AKAP11: variants seen among roughly 807,000 people sequenced by gnomAD.
The protein encoded by AKAP11 is A-kinase anchoring protein 11.
Under a neutral mutation model 146.1 loss-of-function variants are expected in AKAP11, and 36 were observed. That is an observed-to-expected ratio of 0.25 (90% CI 0.19 to 0.33). AKAP11 has a LOEUF of 0.33. Among genes scored for constraint, AKAP11 ranks in the 10% least tolerant of loss-of-function variants. AKAP11 has a pLI of 1.00. For missense variants in AKAP11, 2,201 were observed against 2,197.0 expected, an observed-to-expected ratio of 1.00 and a Z score of -0.04; for synonymous variants, 780 against 786.5, an observed-to-expected ratio of 0.99 and a Z score of 0.14.
In AKAP11 at chr13:42,299,777, A is replaced by G. The variant is rs1959744072; in HGVS notation, c.1031A>G (p.Asp344Gly). The G allele has an allele frequency of 6.2e-7, 1 of 1,613,862 alleles. No homozygotes were observed. Among genetic ancestry groups the G allele is most frequent in the Non-Finnish European group, 8.5e-7 (1 of 1,179,916 alleles). Residue 344 changes from aspartate to glycine, a missense_variant, in exon 8 of 13, where the codon GAT becomes GGT. Transcript: ENST00000025301. ...ELPKIPVMKD[D>G]IEDSDSEVSE... ...CCTAAAATTCCTGTGATGAAAGATG[A>G]TATAGAGGATTCAGACTCAGAAGTA...
chr13:42,302,934 C>T lies in AKAP11; in HGVS notation c.4188C>T (p.Phe1396=), dbSNP rs768222002. 4 of 1,613,804 alleles carry T rather than the reference C, an allele frequency of 2.5e-6. No individual in the cohort carries two copies. The highest frequency in any genetic ancestry group is 2.2e-5 in the East Asian group (1 of 44,864). Residue 1396 remains phenylalanine (F), a synonymous_variant, in exon 8 of 13, where the codon TTC becomes TTT. Transcript: ENST00000025301. ...AAGTGCAGTGCAACTCAAGAATGTT[C>T]CCTGTGCCAAGTTCACAAGTGAAAA... ...TTKVQCNSRM[F]PVPSSQVKTN... is the part of the protein sequence containing the mutation.
chr13:42,296,713 AAAGTT>A (rs67350560), intron 5 of AKAP11, among the ~76,000 whole-genome samples: 19,447 of 151,958 alleles, frequency 0.13, 1,333 homozygotes, highest in East Asian at 0.22. Context: ...AAAATTTCAT[AAAGTT>A]AAGTTAAGAC....
chr13:42,318,613 C>T (rs1229306013), intron 12 of AKAP11, among the ~76,000 whole-genome samples: 11 of 152,134 alleles, frequency 7.2e-5, no homozygotes, highest in African/African-American at 2.4e-4. Context: ...CATTCTTTAA[C>T]TTAGAAAGCC....
intron 3 of AKAP11, 68 bp downstream of exon 3, chr13:42,286,467 C>G (rs777511641): frequency 4.2e-5 from 49 of 1,177,612 alleles, no homozygotes; most frequent in Non-Finnish European, 5.5e-5. Flanking sequence ...TTTTTAAGTC[C>G]TACAGCTATG....
Position 42,303,269 on chromosome 13 carries a change from C to T in AKAP11, c.4523C>T (p.Pro1508Leu), listed in dbSNP as rs755535029. The T allele has an allele frequency of 6.2e-7, 1 of 1,613,528 alleles. No individual in the cohort carries two copies. The highest frequency in any genetic ancestry group is 1.1e-5 in the South Asian group (1 of 91,074). The change falls in exon 8 of 13, where the codon CCT becomes CTT. Residue 1508 changes from proline (P) to leucine (L), a missense_variant. Physicochemically the swap from Pro to Leu is moderately conservative, Grantham distance 98 (BLOSUM62 -3). Transcript: ENST00000025301. ...GAGTGTCACGTTACACCAGAATTGC[C>T]TAAGTCTCTTCAGCCTTCCTCACAA... ...DNECHVTPEL[P>L]KSLQPSSQNH...
chr13:42,303,564 TTTC>T lies in AKAP11; in HGVS notation c.4819_4821del (p.Phe1607del). 6.2e-7 allele frequency: 1 copy of T among 1,614,228 alleles called. No homozygotes were observed. Among genetic ancestry groups the T allele is most frequent in the Non-Finnish European group, 8.5e-7 (1 of 1,180,038 alleles). On this transcript the variant is annotated inframe_deletion, in exon 8 of 13. Coordinates refer to ENST00000025301, the MANE Select transcript of AKAP11 (RefSeq NM_016248.4). ...GCACTGGAAATTCATCTCAGCACTT[TTTC>T]AGACAGGGTTCTCTCGCCAGTAGTA...
chr13:42,308,485 G>A lies in AKAP11; in HGVS notation c.5149G>A (p.Glu1717Lys), dbSNP rs746242948. 11 of 1,602,638 alleles carry A rather than the reference G, an allele frequency of 6.9e-6. No homozygotes were observed. The highest frequency in any genetic ancestry group is 4.5e-5 in the East Asian group (2 of 44,746). Reference sequence around the variant, plus strand: ...AGAAATAGAAGACTTTCAGTCAACCGAGTCTGTCAGTAGCCAGCAGATGAA... The same window carrying A: ...AGAAATAGAAGACTTTCAGTCAACCAAGTCTGTCAGTAGCCAGCAGATGAA... ...SKEIEDFQST[E>K]SVSSQQMNLS... The change falls in exon 9 of 13, where the codon GAG becomes AAG. Residue 1717 changes from glutamate (E) to lysine (K), a missense_variant. By Grantham distance (56) the Glu-to-Lys change is moderately conservative (BLOSUM62 1). Coordinates refer to ENST00000025301, the MANE Select transcript of AKAP11 (RefSeq NM_016248.4).
upstream of AKAP11, chr13:42,272,094 C>T (rs1179769438): frequency 1.4e-4 from 1 of 6,968 alleles, no homozygotes; most frequent in East Asian, 3.7e-3. Context: ...GTGGGCAGGG[C>T]GGGGGCGGGC....
chr13:42,289,454 A>C (rs998767447), intron 3 of AKAP11, among the ~76,000 whole-genome samples: 6 of 151,980 alleles, frequency 3.9e-5, no homozygotes, highest in Admixed American at 3.3e-4. Flanking sequence ...ATAACCTTTT[A>C]TTTCTTTACA....
At chr13:42,285,638 G>A (rs951151946) in intron 1 of AKAP11, among the ~76,000 whole-genome samples, 10 of 152,184 alleles carry the variant, frequency 6.6e-5, no homozygotes, top group Admixed American at 2.6e-4. Context: ...AGTTCTCAAA[G>A]ATGTTAAAGC....
Position 42,299,674 on chromosome 13 carries a change from G to C in AKAP11, c.928G>C (p.Glu310Gln). Residue 310 changes from glutamate (E) to glutamine (Q), a missense_variant, in exon 8 of 13, where the codon GAA becomes CAA. This residue lies in a region of AKAP11 where 3 missense variants were observed against 16.1 expected (regional missense o/e 0.19). Transcript: ENST00000025301. ...SSSPAYSSESECSSPSPVIFL... is the reference protein window; with the variant it reads ...SSSPAYSSESQCSSPSPVIFL... ...TTCTCCTGCCTACTCATCTGAATCAGAATGTTCAAGTCCAAGTCCTGTTAT... is the reference window on the plus strand; with the variant it reads ...TTCTCCTGCCTACTCATCTGAATCACAATGTTCAAGTCCAAGTCCTGTTAT... 1 of 1,613,896 alleles carries C rather than the reference G, an allele frequency of 6.2e-7. No homozygotes were observed. Among genetic ancestry groups the C allele is most frequent in the Non-Finnish European group, 8.5e-7 (1 of 1,179,872 alleles).
Position 42,300,924 on chromosome 13 carries a change from G to C in AKAP11, c.2178G>C (p.Lys726Asn). The C allele has an allele frequency of 6.2e-7, 1 of 1,614,140 alleles. No homozygotes were observed. Among genetic ancestry groups the C allele is most frequent in the Non-Finnish European group, 8.5e-7 (1 of 1,179,988 alleles). The stretch of plus-strand genomic sequence containing the variant: ...TTAGTGTCTCTACGGATAATATCAA[G>C]TATGTGAGTGCAGAAAGTGTAGTGC... Reference protein sequence around the residue: ...AAVSVSTDNIKYVSAESVVPS... With the variant: ...AAVSVSTDNINYVSAESVVPS... The change falls in exon 8 of 13, where the codon AAG becomes AAC. Residue 726 changes from lysine to asparagine, a missense_variant. Transcript: ENST00000025301.
rs1486222874 is a variant in AKAP11, at chr13:42,313,922, C to T, written c.5386C>T (p.His1796Tyr). The change falls in exon 11 of 13, where the codon CAT becomes TAT. Residue 1796 changes from histidine to tyrosine, a missense_variant. His to Tyr is a moderately conservative substitution (Grantham distance 83, BLOSUM62 2). Coordinates refer to ENST00000025301, the MANE Select transcript of AKAP11 (RefSeq NM_016248.4). ...SDGPDDKDEE[H>Y]EDEVEGLGQD... ...TGGACCAGATGATAAAGATGAAGAG[C>T]ATGAGGACGAAGTAGAAGGTAATTT... is the stretch of plus-strand genomic sequence containing the variant. 1.9e-6 allele frequency: 3 copies of T among 1,613,718 alleles called. No individual in the cohort carries two copies. Among genetic ancestry groups the T allele is most frequent in the Non-Finnish European group, 2.5e-6 (3 of 1,179,780 alleles).
At chr13:42,314,521 C>T (rs1317354240) in intron 11 of AKAP11, among the ~76,000 whole-genome samples, 8 of 150,418 alleles carry the variant, frequency 5.3e-5, no homozygotes, top group Non-Finnish European at 8.9e-5. Context: ...TAATTACAGT[C>T]TCTCTACATA....
rs763042321 is a variant in AKAP11 at position 42,300,956 on chromosome 13, C to T, written c.2210C>T (p.Thr737Ile). The T allele has an allele frequency of 6.2e-7, 1 of 1,614,110 alleles. No homozygotes were observed. Among genetic ancestry groups the T allele is most frequent in the Non-Finnish European group, 8.5e-7 (1 of 1,179,974 alleles). The change falls in exon 8 of 13, where the codon ACA becomes ATA. Residue 737 changes from threonine to isoleucine, a missense_variant. Physicochemically the swap from Thr to Ile is moderately conservative, Grantham distance 89. Around this residue, in one of 3 missense-constraint regions of AKAP11, gnomAD observed 1,867 missense variants for 1,833.5 expected, o/e 1.02. Coordinates refer to ENST00000025301, the MANE Select transcript of AKAP11 (RefSeq NM_016248.4). Reference protein sequence around the residue: ...YVSAESVVPSTQAVTFSPSFH... With the variant: ...YVSAESVVPSIQAVTFSPSFH... ...AGTGCAGAAAGTGTAGTGCCATCGA[C>T]ACAGGCTGTCACGTTTTCCCCTTCT...
intron 9 of AKAP11, among the ~76,000 whole-genome samples, chr13:42,311,312 G>A (rs935430004): frequency 4.6e-5 from 7 of 152,156 alleles, no homozygotes; most frequent in African/African-American, 1.7e-4. Flanking sequence ...AGTGAAGTAG[G>A]AAAACTCTTA....
intron 8 of AKAP11, among the ~76,000 whole-genome samples, chr13:42,304,854 G>A (rs1464367504): frequency 1.3e-5 from 2 of 151,758 alleles, no homozygotes; most frequent in African/African-American, 4.8e-5. Flanking sequence ...GGGTTCAAGC[G>A]ATTCCTGTGC....
Position 42,295,135 on chromosome 13 carries a change from CA to C in AKAP11, c.169-559del, listed in dbSNP as rs1307883513. On this transcript the variant is annotated intron_variant, in intron 4 of 12. Coordinates refer to ENST00000025301, the MANE Select transcript of AKAP11 (RefSeq NM_016248.4). Reference sequence around the variant, plus strand: ...GGGGAAGGCCTCTCTGAGGAGGTGACACTTGCATCGAAACTTGAAGAATGAG... The same window carrying C: ...GGGGAAGGCCTCTCTGAGGAGGTGACCTTGCATCGAAACTTGAAGAATGAG... 2.6e-5 allele frequency among the ~76,000 whole-genome samples: 4 copies of C among 152,116 alleles called. No individual in the cohort carries two copies. In the East Asian group the frequency reaches 7.7e-4, roughly 29 times the overall value.
chr13:42,299,492 CA>C lies in AKAP11; in HGVS notation c.748del (p.Thr250LeufsTer4). On this transcript the variant is annotated frameshift_variant, in exon 8 of 13. Coordinates refer to ENST00000025301, the MANE Select transcript of AKAP11 (RefSeq NM_016248.4). LOFTEE classifies it high-confidence loss of function. Reference protein sequence around the residue: ...SGQQKSLAKPSTSSVNVLGHK... With the variant: ...SGQQKSLAKPXTSSVNVLGHK... The stretch of plus-strand genomic sequence containing the variant: ...CAGCAGAAGTCATTGGCTAAACCCT[CA>C]ACTTCCTCAGTGAATGTCCTGGGAC... 1 of 1,613,966 alleles carries C rather than the reference CA, an allele frequency of 6.2e-7. No individual in the cohort carries two copies. Among genetic ancestry groups the C allele is most frequent in the East Asian group, 2.2e-5 (1 of 44,886 alleles).
Sources: gnomAD v4.1 joint callset for allele counts (sites outside exome capture counted in the v4.1 genomes callset) on GRCh38, gnomAD v4.1.1 for gene constraint, gnomAD v4.1.1 regional missense constraint, MANE v1.5 for transcripts, NCBI Gene and HGNC (gene_info 2026-07-23, HGNC 2026-07-21) for gene names.